Variants in BRD10 observed in about 807,000 individuals in gnomAD.
BRD10 encodes bromodomain containing 10.
chr9:5,907,118 T>C, the BRD10 span: 9 of 540,656 alleles, frequency 1.7e-5, no homozygotes, highest in Middle Eastern at 4.1e-4. Context: ...CACTGAACTA[T>C]ATACACCTAA....
chr9:5,982,518 T>C, the BRD10 span, among the ~76,000 whole-genome samples: 1 of 152,130 alleles, frequency 6.6e-6, no homozygotes, highest in Admixed American at 6.6e-5. Flanking sequence ...GGCTGATGGC[T>C]TTATAAAAAG....
At chr9:5,925,487 A>AT in the BRD10 span, among the ~76,000 whole-genome samples, 4 of 151,954 alleles carry the variant, frequency 2.6e-5, no homozygotes, top group African/African-American at 4.8e-5. Flanking sequence ...GAGACAACTA[A>AT]TTTTTTTTCT....
the BRD10 span, among the ~76,000 whole-genome samples, chr9:5,895,466 T>G: frequency 4.6e-5 from 7 of 152,002 alleles, no homozygotes; most frequent in Non-Finnish European, 8.8e-5. Flanking sequence ...ATCCCTAAGA[T>G]CTGAGAATAT....
chr9:5,955,615 T>C, the BRD10 span, among the ~76,000 whole-genome samples: 2 of 149,904 alleles, frequency 1.3e-5, no homozygotes, highest in East Asian at 1.9e-4. Context: ...AATCCATGTA[T>C]ACTATGACTG....
At chr9:5,993,135 G>A in the BRD10 span, among the ~76,000 whole-genome samples, 1 of 151,922 alleles carries the variant, frequency 6.6e-6, no homozygotes, top group Non-Finnish European at 1.5e-5. Flanking sequence ...GGCCAACATG[G>A]TGAAACCCCA....
chr9:5,926,427 C>T, the BRD10 span, among the ~76,000 whole-genome samples: 1 of 152,182 alleles, frequency 6.6e-6, no homozygotes, highest in Non-Finnish European at 1.5e-5. Context: ...CCCACCTCAG[C>T]CTCCTGAGTA....
the BRD10 span, chr9:5,945,044 A>T: frequency 1.9e-6 from 1 of 535,426 alleles, no homozygotes; most frequent in African/African-American, 2.0e-5. Context: ...TTTAACACAC[A>T]CTGAATTCAC....
At chr9:5,887,265 C>T in the BRD10 span, among the ~76,000 whole-genome samples, 2 of 152,066 alleles carry the variant, frequency 1.3e-5, no homozygotes, top group African/African-American at 2.4e-5. Context: ...CCCCAACCCA[C>T]CCACCAAAAA....
the BRD10 span, chr9:5,969,001 A>G: frequency 6.2e-7 from 1 of 1,609,952 alleles, no homozygotes; most frequent in Non-Finnish European, 8.5e-7. Flanking sequence ...CCAATGGATT[A>G]ACTTCTCCAA....
the BRD10 span, among the ~76,000 whole-genome samples, chr9:5,943,853 T>C: frequency 6.6e-6 from 1 of 152,190 alleles, no homozygotes; most frequent in Admixed American, 6.5e-5. Context: ...CTCAGGGTTA[T>C]CTGTCACACA....
the BRD10 span, among the ~76,000 whole-genome samples, chr9:5,894,261 G>C: frequency 6.6e-6 from 1 of 152,096 alleles, no homozygotes; most frequent in Admixed American, 6.5e-5. This position sits in a 1 kb window ranked among gnomAD's most constrained non-coding sequence, Gnocchi z 4.0. Context: ...CCCACAACCT[G>C]AACAAGGTAA....
the BRD10 span, among the ~76,000 whole-genome samples, chr9:5,990,181 G>A: frequency 1.3e-5 from 2 of 152,142 alleles, no homozygotes; most frequent in Non-Finnish European, 2.9e-5. Context: ...TAATTGGGCC[G>A]GAAGTAAGGA....
the BRD10 span, among the ~76,000 whole-genome samples, chr9:5,885,683 CTCATT>C: frequency 7.9e-5 from 12 of 152,278 alleles, no homozygotes; most frequent in African/African-American, 2.9e-4. Flanking sequence ...CATATGTTAT[CTCATT>C]TAATTCTCAC....
the BRD10 span, chr9:5,920,927 C>A: frequency 6.2e-7 from 1 of 1,613,936 alleles, no homozygotes; most frequent in Non-Finnish European, 8.5e-7. Flanking sequence ...AGGCATAATT[C>A]TTGAAGAGGT....
At chr9:5,983,362 C>G in the BRD10 span, among the ~76,000 whole-genome samples, 4 of 152,130 alleles carry the variant, frequency 2.6e-5, no homozygotes, top group Non-Finnish European at 5.9e-5. Flanking sequence ...CCTAATCCTC[C>G]TCAAAGGAAG....
chr9:5,937,644 G>C, the BRD10 span, among the ~76,000 whole-genome samples: 1 of 152,192 alleles, frequency 6.6e-6, no homozygotes, highest in African/African-American at 2.4e-5. Context: ...GGGATAAATG[G>C]AATATACAGC....
the BRD10 span, among the ~76,000 whole-genome samples, chr9:5,950,449 T>C: frequency 6.6e-6 from 1 of 152,146 alleles, no homozygotes; most frequent in Non-Finnish European, 1.5e-5. Context: ...TTAAATACCT[T>C]ACCCCACAGA....
At chr9:5,883,664 A>C in the BRD10 span, among the ~76,000 whole-genome samples, 3 of 151,062 alleles carry the variant, frequency 2.0e-5, no homozygotes, top group South Asian at 2.1e-4. Context: ...GGTTCTCACT[A>C]TCTCTCTATG....
At chr9:5,933,756 A>C in the BRD10 span, 1 of 470,864 alleles carries the variant, frequency 2.1e-6, no homozygotes, top group South Asian at 1.6e-5. Flanking sequence ...CTTACCTCAC[A>C]ACTAAAGAAC....
Sources: allele counts gnomAD v4.1 joint callset (sites outside exome capture counted in the v4.1 genomes callset), GRCh38; gene constraint gnomAD v4.1.1; non-coding constraint Gnocchi (gnomAD v3.1); transcripts MANE v1.5; gene names NCBI Gene and HGNC (gene_info 2026-07-23, HGNC 2026-07-21).